Variants in CMTM8 observed in about 807,000 individuals in gnomAD.
The protein encoded by CMTM8 is CKLF-like MARVEL transmembrane domain-containing protein 8.
CMTM8 carries 12 observed loss-of-function variants against 18.6 expected under a neutral mutation model. The ratio of observed to expected loss-of-function variants is 0.65; its 90% CI spans 0.41 to 1.05. The LOEUF (loss-of-function observed/expected upper bound fraction) is 1.05. Among genes scored for constraint, CMTM8 ranks in the 50% least tolerant of loss-of-function variants. CMTM8 has a pLI of 0.00. For synonymous variants in CMTM8, 87 were observed against 90.6 expected (o/e 0.96, Z 0.23); for missense variants, 217 against 227.2 (o/e 0.95, Z 0.29).
At chr3:32,274,578 C>T (rs539774681) in intron 1 of CMTM8, among the ~76,000 whole-genome samples, 1 of 152,268 alleles carries the variant, frequency 6.6e-6, no homozygotes, top group South Asian at 2.1e-4. Context: ...ACATCACACT[C>T]CTAAATACCC....
chr3:32,302,176 CATAA>C lies in CMTM8; in HGVS notation c.148-55196_148-55193del, dbSNP rs1199153842. Among the ~76,000 whole-genome samples, 675 of 151,942 alleles carry C rather than the reference CATAA, an allele frequency of 4.4e-3. 2 individuals carry two copies. Among genetic ancestry groups the C allele is most frequent in the Non-Finnish European group, 7.1e-3 (484 of 67,986 alleles). On this transcript the variant is annotated intron_variant, in intron 1 of 3. Transcript: ENST00000307526. ...TAATTAGCTGAAATGTGGCACGTGT[CATAA>C]CTACTTGGAGGTGGGGGCTAAGGTG...
At chr3:32,249,158 G>A (rs541347392) in intron 1 of CMTM8, among the ~76,000 whole-genome samples, 4 of 148,552 alleles carry the variant, frequency 2.7e-5, no homozygotes, top group African/African-American at 7.4e-5. Flanking sequence ...GCTCAGTGTC[G>A]TGGCTCACGC....
chr3:32,363,562 A>G (rs1027718649), intron 2 of CMTM8, among the ~76,000 whole-genome samples: 2 of 152,190 alleles, frequency 1.3e-5, no homozygotes, highest in Admixed American at 6.5e-5. Flanking sequence ...AGAGAGAAAC[A>G]TAGCAGGAGA....
intron 1 of CMTM8, among the ~76,000 whole-genome samples, chr3:32,329,313 A>C (rs1175646448): frequency 2.0e-5 from 3 of 152,064 alleles, no homozygotes; most frequent in Non-Finnish European, 4.4e-5. Context: ...TGATCCACCC[A>C]CCTCAGCTTC....
chr3:32,243,276 G>T (rs1054667523), intron 1 of CMTM8, among the ~76,000 whole-genome samples: 1 of 151,564 alleles, frequency 6.6e-6, no homozygotes, highest in African/African-American at 2.4e-5. Context: ...CACACCTGCA[G>T]TCCCAGCACT....
At chr3:32,317,459 A>T (rs1233144842) in intron 1 of CMTM8, among the ~76,000 whole-genome samples, 7 of 152,212 alleles carry the variant, frequency 4.6e-5, no homozygotes, top group Non-Finnish European at 1.0e-4. Context: ...AAATGGTCAT[A>T]ACTTTGGATT....
chr3:32,255,821 G>T (rs1000204403), intron 1 of CMTM8, among the ~76,000 whole-genome samples: 1 of 151,966 alleles, frequency 6.6e-6, no homozygotes, highest in African/African-American at 2.4e-5. Flanking sequence ...ACATCCACAG[G>T]CTCAGGTGAT....
At chr3:32,288,104 A>G (rs1702715948) in intron 1 of CMTM8, among the ~76,000 whole-genome samples, 1 of 152,242 alleles carries the variant, frequency 6.6e-6, no homozygotes, top group Non-Finnish European at 1.5e-5. Flanking sequence ...TAGACCTGGA[A>G]TCTGAACACA....
intron 1 of CMTM8, among the ~76,000 whole-genome samples, chr3:32,270,611 A>G (rs1446569803): frequency 6.6e-6 from 1 of 152,202 alleles, no homozygotes; most frequent in Non-Finnish European, 1.5e-5. Context: ...TCAGTAAACT[A>G]TCGCAAGGAC....
rs575436222 is a variant in CMTM8 at position 32,351,616 on chromosome 3, A to G, written c.148-5757A>G. 4.6e-5 allele frequency among the ~76,000 whole-genome samples: 7 copies of G among 152,016 alleles called. No homozygotes were observed. The South Asian group carries it at 1.5e-3, about 32-fold the overall frequency. On this transcript the variant is annotated intron_variant, in intron 1 of 3. Transcript: ENST00000307526. Reference sequence around the variant, plus strand: ...AATCCCAGCTACTCAGGAGGCTGAGATAGAAAGATCTCTTGAGCCCAGGAG... The same window carrying G: ...AATCCCAGCTACTCAGGAGGCTGAGGTAGAAAGATCTCTTGAGCCCAGGAG...
At chr3:32,294,919 G>A (rs562057670) in intron 1 of CMTM8, among the ~76,000 whole-genome samples, 2 of 151,944 alleles carry the variant, frequency 1.3e-5, no homozygotes, top group South Asian at 4.2e-4. Flanking sequence ...GCTGGGTGTG[G>A]TGGTGCACAC....
In CMTM8 at chr3:32,357,421, C is replaced by T. The variant is rs756094183; in HGVS notation, c.196C>T (p.Arg66Trp). Residue 66 changes from arginine (R) to tryptophan (W), a missense_variant, in exon 2 of 4, where the codon CGG (arginine) becomes TGG (tryptophan). Coordinates refer to ENST00000307526, the MANE Select transcript of CMTM8 (RefSeq NM_178868.5). The part of the protein sequence containing the change: ...WTLIAGTEYF[R>W]VPAFGWVMFV... ...GCTTATTGCTGGAACTGAGTACTTC[C>T]GGGTCCCCGCATTTGGCTGGGTCAT... is the stretch of plus-strand genomic sequence containing the variant. The T allele has an allele frequency of 4.3e-6, 7 of 1,613,904 alleles. No homozygotes were observed. Among genetic ancestry groups the T allele is most frequent in the Middle Eastern group, 1.6e-4 (1 of 6,070 alleles).
At chr3:32,271,583 A>G (rs1379775382) in intron 1 of CMTM8, among the ~76,000 whole-genome samples, 1 of 152,184 alleles carries the variant, frequency 6.6e-6, no homozygotes, top group African/African-American at 2.4e-5. Context: ...CTGTTGTTCC[A>G]TAACTTTTAA....
intron 1 of CMTM8, among the ~76,000 whole-genome samples, chr3:32,289,193 A>G (rs963713129): frequency 1.3e-5 from 2 of 152,206 alleles, no homozygotes; most frequent in Admixed American, 6.5e-5. Flanking sequence ...GAAAGCCCCA[A>G]CGATAACGGA....
Position 32,369,935 on chromosome 3 carries a change from T to A in CMTM8, c.490T>A (p.Phe164Ile). The A allele has an allele frequency of 1.2e-6, 2 of 1,609,034 alleles. No individual in the cohort carries two copies. The highest frequency in any genetic ancestry group is 1.7e-6 in the Non-Finnish European group (2 of 1,176,060). ...ICYAGNTYFS[F>I]IAWRSRTIQ ...CTACGCTGGAAATACATATTTCAGTTTTATAGCATGGAGATCCAGGACCAT... is the reference window on the plus strand; with the variant it reads ...CTACGCTGGAAATACATATTTCAGTATTATAGCATGGAGATCCAGGACCAT... Residue 164 changes from phenylalanine (F) to isoleucine (I), a missense_variant, in exon 4 of 4, where the codon TTT becomes ATT. Transcript: ENST00000307526.
chr3:32,290,512 A>G (rs60790124), intron 1 of CMTM8, among the ~76,000 whole-genome samples: 42,367 of 152,176 alleles, frequency 0.28, 6,399 homozygotes, highest in East Asian at 0.65. Context: ...AATGTGTTAT[A>G]TGTGAAACAG....
At chr3:32,244,472 C>T (rs758546785) in intron 1 of CMTM8, among the ~76,000 whole-genome samples, 67 of 152,222 alleles carry the variant, frequency 4.4e-4, no homozygotes, top group Non-Finnish European at 7.2e-4. Flanking sequence ...AGGCATGAGC[C>T]GTTGCGGCCA....
Position 32,326,520 on chromosome 3 carries a change from T to C in CMTM8, c.148-30853T>C, listed in dbSNP as rs952684794. Among the ~76,000 whole-genome samples, 198 of 146,708 alleles carry C rather than the reference T, an allele frequency of 1.3e-3. 1 individual carries two copies. Among genetic ancestry groups the C allele is most frequent in the African/African-American group, 3.7e-3 (149 of 39,898 alleles). On this transcript the variant is annotated intron_variant, in intron 1 of 3. Coordinates refer to ENST00000307526, the MANE Select transcript of CMTM8 (RefSeq NM_178868.5). Reference sequence around the variant, plus strand: ...GTCCTGACTTTTCTTTCTTTCTTTTTTTTTTTTTTTTTTTTTGACAGAGTC... The same window carrying C: ...GTCCTGACTTTTCTTTCTTTCTTTTCTTTTTTTTTTTTTTTTGACAGAGTC...
At chr3:32,241,121 G>A (rs777388550) in intron 1 of CMTM8, among the ~76,000 whole-genome samples, 12 of 152,070 alleles carry the variant, frequency 7.9e-5, no homozygotes, top group Admixed American at 2.6e-4. Flanking sequence ...GGTCCTACAG[G>A]CAGAAATATA....
Sources: gnomAD v4.1 joint callset for allele counts (sites outside exome capture counted in the v4.1 genomes callset) on GRCh38, gnomAD v4.1.1 for gene constraint, MANE v1.5 for transcripts, NCBI Gene and HGNC (gene_info 2026-07-23, HGNC 2026-07-21) for gene names.